The following ANKS1B variants were observed in gnomAD, a reference collection of about 807,000 sequenced individuals.
The protein encoded by ANKS1B is ankyrin repeat and sterile alpha motif domain-containing protein 1B.
A neutral mutation model predicts 148.3 loss-of-function variants in ANKS1B; 36 were observed. That is an observed-to-expected ratio of 0.24 (90% CI 0.19 to 0.32). The LOEUF is 0.32. Among genes scored for constraint, ANKS1B ranks in the 10% least tolerant of loss-of-function variants. ANKS1B has a pLI of 1.00. For synonymous variants in ANKS1B, 542 were observed against 560.8 expected, an observed-to-expected ratio of 0.97 and a Z score of 0.47; for missense variants, 1,157 against 1,542.6, an observed-to-expected ratio of 0.75 and a Z score of 4.19.
intron 12 of ANKS1B, among the ~76,000 whole-genome samples, chr12:99,382,716 AAAGAGAGAG>A (rs1247921409): frequency 5.1e-4 from 49 of 96,812 alleles, no homozygotes; most frequent in African/African-American, 2.1e-3. Flanking sequence ...AAAAAAAAAA[AAAGAGAGAG>A]AGAGAGAGAG....
chr12:98,736,592 A>G (rs965527330), intron 9 of ANKS1B, among the ~76,000 whole-genome samples: 3 of 152,318 alleles, frequency 2.0e-5, no homozygotes, highest in African/African-American at 7.2e-5. Context: ...GAGAGTCATC[A>G]GTGAATTGAT....
At chr12:98,844,880 T>C (rs915805229) in intron 17 of ANKS1B, among the ~76,000 whole-genome samples, 2 of 152,190 alleles carry the variant, frequency 1.3e-5, no homozygotes, top group African/African-American at 2.4e-5. Context: ...AATATAATAA[T>C]AGGCTAATGT....
At chr12:99,661,886 C>T (rs983349988) in intron 8 of ANKS1B, among the ~76,000 whole-genome samples, 3 of 152,098 alleles carry the variant, frequency 2.0e-5, no homozygotes, top group Non-Finnish European at 2.9e-5. Flanking sequence ...AATAGGTGTG[C>T]CCTTCTTCCT....
At chr12:99,295,512 T>C (rs1438622190) in intron 12 of ANKS1B, among the ~76,000 whole-genome samples, 1 of 152,252 alleles carries the variant, frequency 6.6e-6, no homozygotes, top group Admixed American at 6.5e-5. Context: ...GTCATCACTG[T>C]CTTTGCAATG....
chr12:99,022,181 T>C (rs1245077692), intron 17 of ANKS1B, among the ~76,000 whole-genome samples: 2 of 152,206 alleles, frequency 1.3e-5, no homozygotes, highest in Non-Finnish European at 2.9e-5. Flanking sequence ...GACTGAATTC[T>C]AGAAAATGTA....
intron 9 of ANKS1B, among the ~76,000 whole-genome samples, chr12:99,536,974 T>C (rs560978538): frequency 1.3e-5 from 2 of 152,284 alleles, no homozygotes; most frequent in Admixed American, 1.3e-4. Context: ...TTGTTTTGCT[T>C]TTTAGATCCC....
At chr12:99,928,311 G>T (rs916758757) in intron 1 of ANKS1B, among the ~76,000 whole-genome samples, 10 of 141,794 alleles carry the variant, frequency 7.1e-5, no homozygotes, top group African/African-American at 2.1e-4. Flanking sequence ...TCGCTCTGTC[G>T]CCCAGGCCGG....
rs189374896 is a variant in ANKS1B, at chr12:99,078,914, T to C, written c.2625+6011A>G. On this transcript the variant is annotated intron_variant, in intron 16 of 26. Coordinates refer to ENST00000683438, the MANE Select transcript of ANKS1B (RefSeq NM_001352186.2). ...AGGTAGCAAAAGACTGTGACTTCCATCTTGCTAGCACTTTCTTGTCTTCTC... is the reference window on the plus strand; with the variant it reads ...AGGTAGCAAAAGACTGTGACTTCCACCTTGCTAGCACTTTCTTGTCTTCTC... Among the ~76,000 whole-genome samples, 40 of 152,336 alleles carry C rather than the reference T, an allele frequency of 2.6e-4. No homozygotes were observed. The East Asian group carries it at 7.1e-3, about 27-fold the overall frequency.
At chr12:99,442,753 A>T (rs1337477511) in intron 11 of ANKS1B, among the ~76,000 whole-genome samples, 8 of 152,106 alleles carry the variant, frequency 5.3e-5, no homozygotes, top group Non-Finnish European at 8.8e-5. Flanking sequence ...AAGGAAAAAT[A>T]TTAAACAAAT....
At chr12:99,155,256 T>C (rs1415483850) in intron 14 of ANKS1B, among the ~76,000 whole-genome samples, 2 of 152,202 alleles carry the variant, frequency 1.3e-5, no homozygotes, top group Non-Finnish European at 2.9e-5. Context: ...GTTTCTGATC[T>C]GAAGCTTTGC....
chr12:98,752,623 C>G (rs1213789654), intron 25 of ANKS1B, among the ~76,000 whole-genome samples: 2 of 152,130 alleles, frequency 1.3e-5, no homozygotes, highest in Non-Finnish European at 2.9e-5. Context: ...TTTTGGTTTA[C>G]ACACTGATAG....
At chr12:99,222,617 AAAACAAAC>A (rs571938317) in intron 14 of ANKS1B, among the ~76,000 whole-genome samples, 14 of 152,322 alleles carry the variant, frequency 9.2e-5, no homozygotes, top group African/African-American at 3.4e-4. Flanking sequence ...CCCTGTCTCA[AAAACAAAC>A]AAACAAACAA....
chr12:99,883,435 A>G (rs775578996), intron 1 of ANKS1B, among the ~76,000 whole-genome samples: 2 of 152,232 alleles, frequency 1.3e-5, no homozygotes, highest in Non-Finnish European at 2.9e-5. Flanking sequence ...AATTTAAAAC[A>G]TCAAATATAG....
chr12:99,479,093 T>A (rs555777777), intron 10 of ANKS1B, among the ~76,000 whole-genome samples: 2 of 152,092 alleles, frequency 1.3e-5, no homozygotes, highest in Non-Finnish European at 2.9e-5. Context: ...ATTCAGACAG[T>A]AAACTTTAAT....
Position 99,984,165 on chromosome 12 carries a change from C to T in ANKS1B, c.73G>A (p.Gly25Ser). Residue 25 changes from glycine (G) to serine (S), a missense_variant, in exon 1 of 27, where the codon GGC becomes AGC. Coordinates refer to ENST00000683438, the MANE Select transcript of ANKS1B (RefSeq NM_001352186.2). ...CCGCCCAGGATCCCTCCTTTCCTGC[C>T]AGACAGGAGTTTCTCCACCAGAGCC... Reference protein sequence around the residue: ...NVALVEKLLSGRKGGILGGGS... With the variant: ...NVALVEKLLSSRKGGILGGGS... 6.2e-7 allele frequency: 1 copy of T among 1,613,904 alleles called. No individual in the cohort carries two copies. The highest frequency in any genetic ancestry group is 8.5e-7 in the Non-Finnish European group (1 of 1,179,852).
chr12:99,487,617 G>T (rs1335007424), intron 10 of ANKS1B, among the ~76,000 whole-genome samples: 1 of 143,490 alleles, frequency 7.0e-6, no homozygotes, highest in African/African-American at 2.9e-5. Flanking sequence ...ATTCAATATG[G>T]GGGGGGGACA....
At chr12:99,432,868 A>T (rs140139193) in intron 11 of ANKS1B, among the ~76,000 whole-genome samples, 1 of 152,284 alleles carries the variant, frequency 6.6e-6, no homozygotes, top group East Asian at 1.9e-4. Flanking sequence ...TAAATTAAAC[A>T]ACGTGGAGAA....
At chr12:99,006,487 GGA>G (rs1009628362) in intron 17 of ANKS1B, among the ~76,000 whole-genome samples, 82 of 152,156 alleles carry the variant, frequency 5.4e-4, no homozygotes, top group African/African-American at 2.0e-3. Context: ...CATTTATCTG[GGA>G]CCTATCTTAT....
chr12:99,492,366 C>T (rs1437344420), intron 10 of ANKS1B, among the ~76,000 whole-genome samples: 1 of 152,010 alleles, frequency 6.6e-6, no homozygotes, highest in Non-Finnish European at 1.5e-5. Context: ...GAACTGATTC[C>T]CTAAACAGCC....
Sources: gnomAD v4.1 joint callset for allele counts (sites outside exome capture counted in the v4.1 genomes callset) on GRCh38, gnomAD v4.1.1 for gene constraint, MANE v1.5 for transcripts, NCBI Gene and HGNC (gene_info 2026-07-23, HGNC 2026-07-21) for gene names.